Variants in RAB12 observed in about 807,000 individuals in gnomAD.
RAB12 encodes the protein RAB12, member RAS oncogene family, also known as ras-related protein Rab-12.
A neutral mutation model predicts 28.4 loss-of-function variants in RAB12; 11 were observed. The ratio of observed to expected loss-of-function variants is 0.39; its 90% CI spans 0.24 to 0.64. The LOEUF is 0.64. RAB12 is among the 30% of genes least tolerant of loss of function. The pLI is 0.50. For synonymous variants in RAB12, 138 were observed against 145.3 expected, an observed-to-expected ratio of 0.95 and a Z score of 0.36; for missense variants, 276 against 351.1, an observed-to-expected ratio of 0.79 and a Z score of 1.71.
intron 1 of RAB12, among the ~76,000 whole-genome samples, chr18:8,613,978 A>G (rs1228835498): frequency 6.6e-6 from 1 of 152,204 alleles, no homozygotes; most frequent in Non-Finnish European, 1.5e-5. Flanking sequence ...AGAGGTAGAA[A>G]TTTACCTGCT....
intron 1 of RAB12, among the ~76,000 whole-genome samples, chr18:8,613,563 ATATTTC>A (rs1392335622): frequency 6.6e-6 from 1 of 152,162 alleles, no homozygotes; most frequent in Non-Finnish European, 1.5e-5. Flanking sequence ...TTTTAAAAGT[ATATTTC>A]AAAAAACAAC....
chr18:8,634,686 C>T (rs549288904), intron 3 of RAB12, among the ~76,000 whole-genome samples: 7 of 152,062 alleles, frequency 4.6e-5, no homozygotes, highest in East Asian at 1.9e-4. Context: ...TTCCTGAGTG[C>T]GGGGCCCATT....
At chr18:8,628,137 G>A (rs2096013895) in intron 2 of RAB12, among the ~76,000 whole-genome samples, 1 of 152,116 alleles carries the variant, frequency 6.6e-6, no homozygotes, top group Admixed American at 6.6e-5. Context: ...GAAAACTCAA[G>A]TTTATGGGGA....
In RAB12 at chr18:8,609,924, C is replaced by A. The variant is rs568173526; in HGVS notation, c.485C>A (p.Thr162Asn). The change falls in exon 1 of 6, where the codon ACC becomes AAC. Residue 162 changes from threonine to asparagine, a missense_variant. Around this residue, in one of 4 missense-constraint regions of RAB12, gnomAD observed 76 missense variants for 117.9 expected, o/e 0.64. Transcript: ENST00000649141. The part of the protein sequence containing the change: ...TSLMERFTDD[T>N]FCEACKSTVG... ...CTGATGGAGCGCTTCACCGACGACA[C>A]CTTCTGCGAGGCCTGCAAGTCCACC... 1.2e-6 allele frequency: 2 copies of A among 1,609,374 alleles called. No individual in the cohort carries two copies. Among genetic ancestry groups the A allele is most frequent in the Non-Finnish European group, 8.5e-7 (1 of 1,178,252 alleles).
At position 8,609,724 on chromosome 18, in the gene RAB12, G is replaced by A. The variant is rs2096002590; in HGVS notation, c.285G>A (p.Ala95=). 2 of 1,135,784 alleles carry A rather than the reference G, an allele frequency of 1.8e-6. No individual in the cohort carries two copies. The highest frequency in any genetic ancestry group is 2.2e-6 in the Non-Finnish European group (2 of 926,780). The allele number at this position is 1,135,784 out of a possible 1,614,324, so 70.4% of individuals were successfully genotyped here. Residue 95 remains alanine (A), a synonymous_variant, in exon 1 of 6, where the codon GCG becomes GCA. Transcript: ENST00000649141. The stretch of plus-strand genomic sequence containing the variant: ...GGCGGGCCGAGCGGGAGCCGCATGC[G>A]TGTATGGATCCGGGCGCCGCGCTGC... ...GGRRAEREPH[A]CMDPGAALQR...
intron 1 of RAB12, among the ~76,000 whole-genome samples, chr18:8,619,698 C>T (rs914837005): frequency 6.6e-6 from 1 of 152,178 alleles, no homozygotes; most frequent in Non-Finnish European, 1.5e-5. Context: ...GCAAATTACC[C>T]TGTCCTCTCT....
chr18:8,611,663 A>G (rs1253383790), intron 1 of RAB12, among the ~76,000 whole-genome samples: 1 of 152,188 alleles, frequency 6.6e-6, no homozygotes, highest in East Asian at 1.9e-4. Flanking sequence ...AGGCATTGGC[A>G]CGAAAACAGT....
rs763826653 is a variant in RAB12, at chr18:8,614,505, T to TAA, written c.514+4564_514+4565dup. Among the ~76,000 whole-genome samples, 46 of 87,280 alleles carry TAA rather than the reference T, an allele frequency of 5.3e-4. 1 individual carries two copies. In the South Asian group the frequency reaches 8.9e-3, roughly 17 times the overall value. 57.3% of individuals were successfully genotyped at this position (87,280 alleles called of 152,430 possible). ...TCTTTATTTTGCCAAGTAAGAACAT[T>TAA]AAAAAAAAAAAAAGAAAAAAAAAAG... On this transcript the variant is annotated intron_variant, in intron 1 of 5. Transcript: ENST00000649141.
intron 1 of RAB12, among the ~76,000 whole-genome samples, chr18:8,612,248 G>A (rs558461711): frequency 2.0e-5 from 3 of 152,334 alleles, no homozygotes; most frequent in East Asian, 3.9e-4. Context: ...TAGTGATGAG[G>A]CCTGGTCAGA....
chr18:8,639,374 TATGA>T lies in RAB12; in HGVS notation c.*1118_*1121del, dbSNP rs975751882. The T allele has an allele frequency of 3.3e-5, 5 of 152,456 alleles. No individual in the cohort carries two copies. The highest frequency in any genetic ancestry group is 7.4e-5 in the Non-Finnish European group (5 of 68,016). 9.4% of individuals were successfully genotyped at this position (152,456 alleles called of 1,614,324 possible). A position where few individuals can be genotyped will look rare whatever the true frequency, so the allele number is the denominator to read the frequency against. On this transcript the variant is annotated 3_prime_UTR_variant, in exon 6 of 6. Coordinates refer to ENST00000649141, the MANE Select transcript of RAB12 (RefSeq NM_001025300.3). ...TGAAGTGCAAATAAAATTTTGTATT[TATGA>T]ATGAAGTTGAGTTGCCATATTTATT...
intron 3 of RAB12, 159 bp from the exon 4 acceptor site, chr18:8,635,374 T>G (rs1224982826): frequency 1.7e-6 from 1 of 582,864 alleles, no homozygotes; most frequent in Non-Finnish European, 3.0e-6. Context: ...TGCCTTGCAC[T>G]GCTGCCCAGT....
rs781005333 is a variant in RAB12, at chr18:8,622,558, A to G, written c.515-2380A>G. 5.3e-5 allele frequency among the ~76,000 whole-genome samples: 8 copies of G among 152,212 alleles called. No homozygotes were observed. In the South Asian group the frequency reaches 1.2e-3, roughly 24 times the overall value. ...GGTCACAGACATCAAATACTTCACA[A>G]GGTAATAGACTATCACAAGGCAAGT... On this transcript the variant is annotated intron_variant, in intron 1 of 5. Coordinates refer to ENST00000649141, the MANE Select transcript of RAB12 (RefSeq NM_001025300.3).
chr18:8,611,504 T>A (rs1395314699), intron 1 of RAB12, among the ~76,000 whole-genome samples: 3 of 152,014 alleles, frequency 2.0e-5, no homozygotes, highest in African/African-American at 7.3e-5. Flanking sequence ...AAGAAGGATT[T>A]TCTAAGCCTG....
intron 2 of RAB12, chr18:8,632,832 C>T (rs2096016806): frequency 3.5e-5 from 8 of 227,042 alleles, no homozygotes; most frequent in South Asian, 2.8e-4. Context: ...AAACTTTTCC[C>T]CCATTTTATT....
intron 1 of RAB12, among the ~76,000 whole-genome samples, chr18:8,616,841 A>G (rs2096006978): frequency 6.6e-6 from 1 of 151,752 alleles, no homozygotes; most frequent in African/African-American, 2.4e-5. Context: ...AGGCAGGAGG[A>G]TCACTTGAGC....
intron 1 of RAB12, among the ~76,000 whole-genome samples, chr18:8,623,417 A>G (rs2096011003): frequency 6.6e-6 from 1 of 152,266 alleles, no homozygotes; most frequent in Non-Finnish European, 1.5e-5. Flanking sequence ...TTTGATTAGT[A>G]AATTCCATCA....
chr18:8,635,933 G>C (rs1224802917), intron 4 of RAB12: 3 of 425,248 alleles, frequency 7.1e-6, no homozygotes, highest in East Asian at 4.4e-5. Context: ...AAACTTCCTT[G>C]GTTTTTGCTA....
chr18:8,629,244 C>T (rs547377046), intron 2 of RAB12, among the ~76,000 whole-genome samples: 23 of 152,204 alleles, frequency 1.5e-4, no homozygotes, highest in Admixed American at 8.5e-4. Context: ...CCCCTAAATG[C>T]CTAGGATTAG....
At chr18:8,626,883 G>A (rs982479680) in intron 2 of RAB12, among the ~76,000 whole-genome samples, 3 of 152,152 alleles carry the variant, frequency 2.0e-5, no homozygotes, top group Non-Finnish European at 4.4e-5. Context: ...TTGGACTTAC[G>A]GAATGGTTGA....
Sources: gnomAD v4.1 joint callset for allele counts (sites outside exome capture counted in the v4.1 genomes callset) on GRCh38, gnomAD v4.1.1 for gene constraint, gnomAD v4.1.1 regional missense constraint, MANE v1.5 for transcripts, NCBI Gene and HGNC (gene_info 2026-07-23, HGNC 2026-07-21) for gene names.